The following COX10 variants were observed in gnomAD, a reference collection of about 807,000 sequenced individuals.
COX10 encodes cytochrome c oxidase assembly factor heme A:farnesyltransferase COX10.
COX10 carries 27 observed loss-of-function variants against 37.3 expected under a neutral mutation model. That is an observed-to-expected ratio of 0.72 (90% CI 0.53 to 1.00). COX10 has a LOEUF of 1.00. Ranked by LOEUF, COX10 falls within the 50% of genes least tolerant of loss-of-function variation. COX10 has a pLI of 0.00. For synonymous variants in COX10, 222 were observed against 229.1 expected (o/e 0.97, Z 0.28); for missense variants, 475 against 563.2 (o/e 0.84, Z 1.59).
chr17:14,161,118 C>T (rs1404990917), intron 5 of COX10, among the ~76,000 whole-genome samples: 2 of 152,128 alleles, frequency 1.3e-5, no homozygotes, highest in East Asian at 3.9e-4. Flanking sequence ...GATAAAGGCT[C>T]ATCATTTTAA....
chr17:14,114,816 A>G (rs1916076016), intron 4 of COX10, among the ~76,000 whole-genome samples: 1 of 152,072 alleles, frequency 6.6e-6, no homozygotes. Context: ...AACCTTTTCC[A>G]CTAAGGTCAT....
chr17:14,171,524 A>G (rs555726035), intron 5 of COX10, among the ~76,000 whole-genome samples: 2 of 151,754 alleles, frequency 1.3e-5, no homozygotes, highest in Admixed American at 6.5e-5. Context: ...ACGTGGGAGC[A>G]CAAAGAGAAG....
intron 5 of COX10, among the ~76,000 whole-genome samples, chr17:14,183,724 C>T (rs1905939753): frequency 1.3e-5 from 2 of 152,270 alleles, no homozygotes; most frequent in Admixed American, 1.3e-4. Context: ...CAATTTATGG[C>T]AAGTTTATCA....
chr17:14,179,071 C>G (rs1175411011), intron 5 of COX10: 1 of 163,520 alleles, frequency 6.1e-6, no homozygotes, highest in Non-Finnish European at 1.3e-5. Context: ...CACATTATGT[C>G]AAATTCTTTC....
intron 5 of COX10, among the ~76,000 whole-genome samples, chr17:14,170,782 AC>A (rs1905443058): frequency 6.6e-6 from 1 of 152,146 alleles, no homozygotes; most frequent in Non-Finnish European, 1.5e-5. Context: ...GCACCACTGT[AC>A]TCCAGCCTGG....
chr17:14,096,177 A>G (rs1394489265), intron 3 of COX10, among the ~76,000 whole-genome samples: 1 of 151,840 alleles, frequency 6.6e-6, no homozygotes, highest in Non-Finnish European at 1.5e-5. Context: ...CTATTAACCC[A>G]TTAATACATT....
intron 1 of COX10, among the ~76,000 whole-genome samples, chr17:14,073,326 G>A (rs1002569846): frequency 6.6e-6 from 1 of 152,168 alleles, no homozygotes; most frequent in African/African-American, 2.4e-5. Context: ...CTTGATGATT[G>A]TTAATTGATA....
At position 14,166,782 on chromosome 17, in the gene COX10, T is replaced by C. The variant is rs1375584945; in HGVS notation, c.695+6835T>C. The stretch of plus-strand genomic sequence containing the variant: ...ATGTGCCACCACGCCTGGCTATTTC[T>C]TTCTTTTTTTTTTTTTTTTTTTTTT... On this transcript the variant is annotated intron_variant, in intron 5 of 6. Coordinates refer to ENST00000261643, the MANE Select transcript of COX10 (RefSeq NM_001303.4). 4.4e-5 allele frequency among the ~76,000 whole-genome samples: 5 copies of C among 114,554 alleles called. 1 individual carries two copies. Among genetic ancestry groups the C allele is most frequent in the Admixed American group, 2.1e-4 (2 of 9,720 alleles). 75.2% of individuals were successfully genotyped at this position (114,554 alleles called of 152,430 possible).
chr17:14,128,122 A>C (rs1916385914), intron 4 of COX10, among the ~76,000 whole-genome samples: 1 of 152,086 alleles, frequency 6.6e-6, no homozygotes, highest in Non-Finnish European at 1.5e-5. Context: ...CTAATAAGAA[A>C]ATTTCACTGA....
chr17:14,195,071 G>A lies in COX10; in HGVS notation c.928+2850G>A, dbSNP rs570765734. Among the ~76,000 whole-genome samples the A allele has an allele frequency of 9.2e-5, 14 of 152,284 alleles. No individual in the cohort carries two copies. In the South Asian group the frequency reaches 2.9e-3, roughly 32 times the overall value. On this transcript the variant is annotated intron_variant, in intron 6 of 6. Transcript: ENST00000261643. ...ACTGCCCCCAGAATCCCAGTTAATT[G>A]CAGATCAAACCATATGCTTAAAGCC...
chr17:14,145,946 C>CTCCGTTAATGTTGG (rs1247290649), intron 4 of COX10, among the ~76,000 whole-genome samples: 1 of 152,116 alleles, frequency 6.6e-6, no homozygotes, highest in African/African-American at 2.4e-5. Flanking sequence ...TTGACTAAGG[C>CTCCGTTAATGTTGG]TCCGTTAATG....
chr17:14,176,242 T>G (rs2142252724), intron 5 of COX10, among the ~76,000 whole-genome samples: 1 of 152,128 alleles, frequency 6.6e-6, no homozygotes, highest in East Asian at 1.9e-4. Flanking sequence ...ATCTTCACCT[T>G]TGTTACAGTG....
At position 14,207,107 on chromosome 17, in the gene COX10, G is replaced by A. The variant is rs980550477; in HGVS notation, c.1226G>A (p.Arg409Gln). ...FYVDADRRSS[R>Q]RLFFCSLWHL... is the part of the protein sequence containing the mutation. ...GTGGACGCAGACCGCAGGAGCTCGCGGAGACTGTTCTTCTGCAGCCTGTGG... is the reference window on the plus strand; with the variant it reads ...GTGGACGCAGACCGCAGGAGCTCGCAGAGACTGTTCTTCTGCAGCCTGTGG... The change falls in exon 7 of 7, where the codon CGG becomes CAG. Residue 409 changes from arginine to glutamine, a missense_variant. Transcript: ENST00000261643. 2 of 1,613,696 alleles carry A rather than the reference G, an allele frequency of 1.2e-6. No homozygotes were observed. The highest frequency in any genetic ancestry group is 1.7e-6 in the Non-Finnish European group (2 of 1,179,944).
chr17:14,071,328 G>A (rs1915017109), intron 1 of COX10, among the ~76,000 whole-genome samples: 1 of 152,158 alleles, frequency 6.6e-6, no homozygotes, highest in Non-Finnish European at 1.5e-5. Flanking sequence ...TGCTGCATCA[G>A]TCTTTGCAGT....
At chr17:14,136,951 C>T (rs1188457907) in intron 4 of COX10, among the ~76,000 whole-genome samples, 2 of 151,836 alleles carry the variant, frequency 1.3e-5, no homozygotes, top group Non-Finnish European at 2.9e-5. Flanking sequence ...ACTGTCCTAA[C>T]AATTTTTTTG....
chr17:14,141,151 G>T (rs928842132), intron 4 of COX10, among the ~76,000 whole-genome samples: 1 of 151,700 alleles, frequency 6.6e-6, no homozygotes, highest in Non-Finnish European at 1.5e-5. Context: ...ATCTGAAACC[G>T]TTCGAAAATA....
At chr17:14,156,952 G>A (rs1428032672) in intron 4 of COX10, among the ~76,000 whole-genome samples, 1 of 152,114 alleles carries the variant, frequency 6.6e-6, no homozygotes, top group Non-Finnish European at 1.5e-5. Flanking sequence ...TATGCTTTGT[G>A]GGCTATGTGG....
chr17:14,096,800 C>T lies in COX10; in HGVS notation c.500-5318C>T, dbSNP rs76619926. ...AATGAATCCTGGACAACAGATTGGACCTAGTAGTCAGGACCATCTTTAGTG... is the reference window on the plus strand; with the variant it reads ...AATGAATCCTGGACAACAGATTGGATCTAGTAGTCAGGACCATCTTTAGTG... On this transcript the variant is annotated intron_variant, in intron 3 of 6. Coordinates refer to ENST00000261643, the MANE Select transcript of COX10 (RefSeq NM_001303.4). Among the ~76,000 whole-genome samples, 684 of 152,184 alleles carry T rather than the reference C, an allele frequency of 4.5e-3. 24 individuals carry two copies. The East Asian group carries it at 0.087, about 19-fold the overall frequency.
intron 4 of COX10, among the ~76,000 whole-genome samples, chr17:14,130,276 A>G (rs2142218852): frequency 6.6e-6 from 1 of 152,246 alleles, no homozygotes; most frequent in African/African-American, 2.4e-5. Flanking sequence ...TGTTGTTCTT[A>G]GGTAATTTCA....
Sources: gnomAD v4.1 joint callset for allele counts (sites outside exome capture counted in the v4.1 genomes callset) on GRCh38, gnomAD v4.1.1 for gene constraint, MANE v1.5 for transcripts, NCBI Gene and HGNC (gene_info 2026-07-23, HGNC 2026-07-21) for gene names.